TENT4A: variants seen among roughly 807,000 people sequenced by gnomAD.
TENT4A encodes the protein DNA polymerase kappa.
In TENT4A, 7 loss-of-function variants were observed where a neutral mutation model predicts 72.8. The observed-to-expected ratio is 0.10, with a 90% CI of 0.05 to 0.18. The LOEUF (loss-of-function observed/expected upper bound fraction) is 0.18. Among genes scored for constraint, TENT4A ranks in the 10% least tolerant of loss-of-function variants. The probability of loss-of-function intolerance (pLI) is 1.00; values close to 1 mark genes in which losing one functional copy is unlikely to be tolerated. For missense variants in TENT4A, 831 were observed against 1,017.7 expected, an observed-to-expected ratio of 0.82 and a Z score of 2.50; for synonymous variants, 456 against 434.3, an observed-to-expected ratio of 1.05 and a Z score of -0.62.
chr5:6,726,283 G>T (rs1213087750), intron 1 of TENT4A, among the ~76,000 whole-genome samples: 3 of 152,170 alleles, frequency 2.0e-5, no homozygotes, highest in African/African-American at 4.8e-5. Context: ...CTCCTGAAGG[G>T]TCTGCAGTCT....
intron 1 of TENT4A, among the ~76,000 whole-genome samples, chr5:6,727,609 T>C (rs1740998486): frequency 6.6e-6 from 1 of 152,170 alleles, no homozygotes; most frequent in Non-Finnish European, 1.5e-5. Flanking sequence ...CCCTTGTCTT[T>C]CCGTAACTGG....
rs527290450 is a variant in TENT4A at position 6,756,502 on chromosome 5, G to A, written c.*1557G>A. The A allele has an allele frequency of 6.6e-6, 1 of 152,516 alleles. No homozygotes were observed. Among genetic ancestry groups the A allele is most frequent in the Non-Finnish European group, 1.5e-5 (1 of 68,042 alleles). 9.4% of individuals were successfully genotyped at this position (152,516 alleles called of 1,614,324 possible). ...GATCTCTGAATGTGATCGACGCCCA[G>A]CAAGGACAAGCTTTAAAATGTCTGC... On this transcript the variant is annotated 3_prime_UTR_variant, in exon 13 of 13. Coordinates refer to ENST00000230859, the MANE Select transcript of TENT4A (RefSeq NM_006999.6).
chr5:6,750,245 T>C (rs1272673203), intron 9 of TENT4A, 86 bp from the exon 10 acceptor site: 23 of 1,153,698 alleles, frequency 2.0e-5, no homozygotes, highest in South Asian at 3.4e-5. Context: ...CGTTCCCGGC[T>C]CAGCAGAGCC....
intron 1 of TENT4A, among the ~76,000 whole-genome samples, chr5:6,728,971 A>T (rs1054484505): frequency 1.3e-4 from 20 of 152,210 alleles, no homozygotes; most frequent in African/African-American, 4.1e-4. Flanking sequence ...TTCGTATTTT[A>T]AAAAAATGCT....
chr5:6,725,060 G>A (rs984126490), intron 1 of TENT4A, among the ~76,000 whole-genome samples: 53 of 152,366 alleles, frequency 3.5e-4, no homozygotes, highest in Non-Finnish European at 5.7e-4. Context: ...AATGGCTCAC[G>A]CCTGTAATCC....
rs1742232511 is a variant in TENT4A, at chr5:6,748,603, G to A, written c.1586+13G>A. 6.2e-7 allele frequency: 1 copy of A among 1,606,132 alleles called. No homozygotes were observed. The highest frequency in any genetic ancestry group is 8.5e-7 in the Non-Finnish European group (1 of 1,173,258). On this transcript the variant is annotated intron_variant, in intron 8 of 12. Transcript: ENST00000230859. Reference sequence around the variant, plus strand: ...GAGACGCCGAAAGGTAATGGGTTGTGTGTCTGCGTCTGGGCTCAGCGTGCC... The same window carrying A: ...GAGACGCCGAAAGGTAATGGGTTGTATGTCTGCGTCTGGGCTCAGCGTGCC...
chr5:6,729,201 T>A (rs1741085118), intron 1 of TENT4A, among the ~76,000 whole-genome samples: 1 of 152,234 alleles, frequency 6.6e-6, no homozygotes, highest in South Asian at 2.1e-4. Context: ...TGGTTGTGTA[T>A]GGTCTTGGGC....
chr5:6,739,642 G>A, intron 3 of TENT4A, 90 bp from the exon 4 acceptor site: 2 of 1,503,994 alleles, frequency 1.3e-6, no homozygotes, highest in Non-Finnish European at 1.8e-6. Flanking sequence ...GGGAGACACA[G>A]GCACATGTGC....
intron 3 of TENT4A, among the ~76,000 whole-genome samples, chr5:6,739,257 T>C (rs58130359): frequency 0.023 from 3,433 of 152,288 alleles, 96 homozygotes; most frequent in African/African-American, 0.068. Flanking sequence ...ATTAACCCAC[T>C]GCTAGTTAGC....
intron 6 of TENT4A, 65 bp from the exon 7 acceptor site, chr5:6,746,149 C>T (rs1320338503): frequency 6.2e-6 from 10 of 1,611,116 alleles, no homozygotes; most frequent in South Asian, 1.1e-5. Context: ...CAGACTTCGT[C>T]GCGTGCTATT....
At chr5:6,742,152 G>A (rs1192685367) in intron 4 of TENT4A, among the ~76,000 whole-genome samples, 1 of 152,142 alleles carries the variant, frequency 6.6e-6, no homozygotes, top group Non-Finnish European at 1.5e-5. Context: ...AAAGTCTGGG[G>A]CCAAGCACCT....
intron 1 of TENT4A, among the ~76,000 whole-genome samples, chr5:6,732,939 C>G (rs1435834249): frequency 6.6e-6 from 1 of 152,180 alleles, no homozygotes; most frequent in Non-Finnish European, 1.5e-5. Context: ...CTTTTCTACA[C>G]CACAGCCAAC....
intron 1 of TENT4A, among the ~76,000 whole-genome samples, chr5:6,732,490 A>G (rs1211664041): frequency 6.6e-6 from 1 of 152,232 alleles, no homozygotes; most frequent in Non-Finnish European, 1.5e-5. Flanking sequence ...AGATACTAAA[A>G]TACAAAAACA....
chr5:6,722,270 A>G (rs1740690096), intron 1 of TENT4A, among the ~76,000 whole-genome samples: 1 of 152,200 alleles, frequency 6.6e-6, no homozygotes, highest in Admixed American at 6.5e-5. Context: ...GAGAGATTAA[A>G]AAGGCCACCG....
Position 6,714,456 on chromosome 5 carries a change from G to A in TENT4A, c.473G>A (p.Ser158Asn), listed in dbSNP as rs1419101372. 2.8e-5 allele frequency: 33 copies of A among 1,177,712 alleles called. No homozygotes were observed. The highest frequency in any genetic ancestry group is 4.6e-5 in the Admixed American group (1 of 21,722). 73.0% of individuals were successfully genotyped at this position (1,177,712 alleles called of 1,614,324 possible). ...TTCAACTTCGCCGACGGCGCGCCCA[G>A]CGCCCCTGGCACAGCCAACGGGCAC... ...AFFNFADGAP[S>N]APGTANGHPG... is the part of the protein sequence containing the mutation. Residue 158 changes from serine (S) to asparagine (N), a missense_variant, in exon 1 of 13, where the codon AGC (serine) becomes AAC (asparagine). By Grantham distance (46) the Ser-to-Asn change is conservative. Around this residue, in one of 3 missense-constraint regions of TENT4A, gnomAD observed 302 missense variants for 293.8 expected, o/e 1.03. Transcript: ENST00000230859.
chr5:6,714,598 C>T lies in TENT4A; in HGVS notation c.615C>T (p.Gly205=). 8.3e-7 allele frequency: 1 copy of T among 1,198,576 alleles called. No individual in the cohort carries two copies. The highest frequency in any genetic ancestry group is 1.6e-5 in the African/African-American group (1 of 63,110). The allele number at this position is 1,198,576 out of a possible 1,614,324, so 74.2% of individuals were successfully genotyped here. The part of the protein sequence containing the change: ...STYGLNYLLS[G]SRAAALSGGG... ...ACGGCCTCAACTACCTGCTGTCCGG[C>T]AGCCGCGCGGCCGCTCTCAGCGGAG... The change falls in exon 1 of 13, where the codon GGC becomes GGT. Residue 205 remains glycine (G), a synonymous_variant. Transcript: ENST00000230859.
At chr5:6,722,153 A>G (rs1405673081) in intron 1 of TENT4A, among the ~76,000 whole-genome samples, 1 of 152,088 alleles carries the variant, frequency 6.6e-6, no homozygotes, top group Non-Finnish European at 1.5e-5. Context: ...TGGTTTCGCC[A>G]TGGTTTCTAA....
intron 1 of TENT4A, among the ~76,000 whole-genome samples, chr5:6,723,086 A>G (rs558821860): frequency 1.3e-5 from 2 of 152,378 alleles, no homozygotes; most frequent in East Asian, 3.9e-4. Context: ...TGTTGCTGAA[A>G]TAAATTGAAA....
chr5:6,720,546 A>G (rs561006448), intron 1 of TENT4A, among the ~76,000 whole-genome samples: 1 of 152,054 alleles, frequency 6.6e-6, no homozygotes, highest in Non-Finnish European at 1.5e-5. Context: ...TATGTCATTT[A>G]AGAAAAGTTT....
Sources: gnomAD v4.1 joint callset for allele counts (sites outside exome capture counted in the v4.1 genomes callset) on GRCh38, gnomAD v4.1.1 for gene constraint, gnomAD v4.1.1 regional missense constraint, MANE v1.5 for transcripts, NCBI Gene and HGNC (gene_info 2026-07-23, HGNC 2026-07-21) for gene names.